AP1M2: variants seen among roughly 807,000 people sequenced by gnomAD.
The protein encoded by AP1M2 is adaptor related protein complex 1 subunit mu 2, also known as AP-1 complex subunit mu-2.
In AP1M2, 41 loss-of-function variants were observed where a neutral mutation model predicts 54.6. The ratio of observed to expected loss-of-function variants is 0.75; its 90% confidence interval spans 0.59 to 0.97. The LOEUF (loss-of-function observed/expected upper bound fraction) is 0.97, where lower values mean the gene tolerates loss of function less well. AP1M2 is among the 50% of genes least tolerant of loss of function. AP1M2 has a pLI of 0.00. For missense variants in AP1M2, 507 were observed against 561.2 expected (o/e 0.90, Z 0.98); for synonymous variants, 219 against 215.9 (o/e 1.01, Z -0.13).
chr19:10,578,159 T>C (rs1437543582), intron 8 of AP1M2, among the ~76,000 whole-genome samples: 2 of 152,204 alleles, frequency 1.3e-5, no homozygotes, highest in African/African-American at 4.8e-5. Context: ...GCTGTGTATC[T>C]GCAGGCAAAT....
In AP1M2 at chr19:10,577,213, A is replaced by G; in HGVS notation, c.1032T>C (p.Ser344=). The G allele has an allele frequency of 6.2e-7, 1 of 1,612,092 alleles. No homozygotes were observed. The part of the protein sequence containing the change: ...YVPERNVVIW[S]IKSFPGGKEY... ...TGGTACTTACCGGGAAAGACTTAATACTCCAAATCACGACGTTTCTCTCCG... is the reference window on the plus strand; with the variant it reads ...TGGTACTTACCGGGAAAGACTTAATGCTCCAAATCACGACGTTTCTCTCCG... The change falls in exon 9 of 12, where the codon AGT becomes AGC. Residue 344 remains serine, a synonymous_variant. Transcript: ENST00000250244.
At chr19:10,574,642 C>T in intron 10 of AP1M2, 150 bp from the exon 11 acceptor site, 1 of 789,622 alleles carries the variant, frequency 1.3e-6, no homozygotes, top group Non-Finnish European at 2.0e-6. Context: ...TGAGGTGGCA[C>T]AGGCAACGGA....
At chr19:10,573,531 C>T (rs1917125552) in intron 11 of AP1M2, among the ~76,000 whole-genome samples, 1 of 152,054 alleles carries the variant, frequency 6.6e-6, no homozygotes, top group Non-Finnish European at 1.5e-5. Context: ...TGGGGCTAAA[C>T]ACAGGTACTG....
intron 9 of AP1M2, 35 bp downstream of exon 9, chr19:10,577,163 C>T: frequency 6.3e-7 from 1 of 1,581,382 alleles, no homozygotes; most frequent in Non-Finnish European, 8.6e-7. Context: ...CAGTCCCCTC[C>T]ACCCCCAGAT....
chr19:10,579,597 AC>A (rs1917367348), intron 7 of AP1M2, 118 bp downstream of exon 7: 1 of 1,206,406 alleles, frequency 8.3e-7, no homozygotes, highest in Non-Finnish European at 1.1e-6. Flanking sequence ...CAAGTGATCC[AC>A]CCGACTCAGC....
At chr19:10,583,120 C>T (rs182545509) in intron 3 of AP1M2, among the ~76,000 whole-genome samples, 2 of 146,030 alleles carry the variant, frequency 1.4e-5, no homozygotes, top group Admixed American at 1.5e-4. Context: ...GCCACTGTGC[C>T]TGGCCTTTTT....
At chr19:10,574,767 T>G in intron 10 of AP1M2, 137 bp downstream of exon 10, 1 of 1,231,504 alleles carries the variant, frequency 8.1e-7, no homozygotes, top group Non-Finnish European at 1.1e-6. Flanking sequence ...AAGGTAACAT[T>G]GCTCTGGGAA....
Position 10,577,300 on chromosome 19 carries a change from A to C in AP1M2, c.945T>G (p.Pro315=), listed in dbSNP as rs770382934. ...TGGGGGAGTCGGCATCGCTGGGTAC[A>C]GGCACAGATATCTCCACACCGTTGG... ...SVANGVEISV[P]VPSDADSPRF... The change falls in exon 9 of 12, where the codon CCT becomes CCG. Residue 315 remains proline (P), a synonymous_variant. Coordinates refer to ENST00000250244, the MANE Select transcript of AP1M2 (RefSeq NM_005498.5). 1 of 1,611,870 alleles carries C rather than the reference A, an allele frequency of 6.2e-7. No individual in the cohort carries two copies. Among genetic ancestry groups the C allele is most frequent in the East Asian group, 2.2e-5 (1 of 44,862 alleles).
chr19:10,582,661 T>C (rs1330728918), intron 3 of AP1M2, among the ~76,000 whole-genome samples: 1 of 149,682 alleles, frequency 6.7e-6, no homozygotes, highest in Non-Finnish European at 1.5e-5. Context: ...AGCAGGAGAA[T>C]CACTTGAACC....
Position 10,577,365 on chromosome 19 carries a change from G to A in AP1M2, c.889-9C>T. 1 of 1,603,158 alleles carries A rather than the reference G, an allele frequency of 6.2e-7. No homozygotes were observed. Among genetic ancestry groups the A allele is most frequent in the Non-Finnish European group, 8.5e-7 (1 of 1,174,412 alleles). On this transcript the variant is annotated splice_polypyrimidine_tract_variant and intron_variant, in intron 8 of 11. Transcript: ENST00000250244. ...TTAAACTGCCCCTTGGCCTGTCAGGGGAGCGAGCATGGGGCACGAAGAATT... is the reference window on the plus strand; with the variant it reads ...TTAAACTGCCCCTTGGCCTGTCAGGAGAGCGAGCATGGGGCACGAAGAATT...
intron 3 of AP1M2, 153 bp downstream of exon 3, chr19:10,583,453 A>G: frequency 3.5e-6 from 2 of 571,260 alleles, no homozygotes; most frequent in Non-Finnish European, 6.2e-6. Flanking sequence ...TGGGCAATAT[A>G]GCAAGACCCC....
rs761350214 is a variant in AP1M2 at position 10,581,764 on chromosome 19, T to C, written c.382A>G (p.Ser128Gly). The C allele has an allele frequency of 2.0e-5, 32 of 1,613,662 alleles. No homozygotes were observed. The highest frequency in any genetic ancestry group is 2.5e-5 in the Non-Finnish European group (30 of 1,179,970). ...TCCACTCACTCCTGCAGGATCTTGC[T>C]GTCGGTGGTCTGCGGGAAGCCAAAG... ...MDFGFPQTTDSKILQEYITQQ... is the reference protein window; with the variant it reads ...MDFGFPQTTDGKILQEYITQQ... Residue 128 changes from serine to glycine, a missense_variant, in exon 4 of 12, where the codon AGC becomes GGC. Transcript: ENST00000250244.
At chr19:10,576,624 T>C (rs1440185381) in intron 9 of AP1M2, among the ~76,000 whole-genome samples, 1 of 151,666 alleles carries the variant, frequency 6.6e-6, no homozygotes, top group African/African-American at 2.4e-5. Context: ...GTCTTGAACT[T>C]CTGACCTCAG....
intron 5 of AP1M2, 34 bp downstream of exon 5, chr19:10,581,453 G>A (rs2304160): frequency 0.23 from 372,574 of 1,610,628 alleles, 52,727 homozygotes; most frequent in East Asian, 0.66. Flanking sequence ...CAGCCAGGCC[G>A]TGGAAGGGGT....
At chr19:10,578,142 G>T (rs1438599192) in intron 8 of AP1M2, among the ~76,000 whole-genome samples, 6 of 152,178 alleles carry the variant, frequency 3.9e-5, no homozygotes, top group African/African-American at 1.2e-4. Context: ...AGTTCTAACA[G>T]TTGTTGGCTG....
At chr19:10,574,357 C>T (rs938804311) in intron 11 of AP1M2, 60 bp downstream of exon 11, 3 of 1,343,676 alleles carry the variant, frequency 2.2e-6, no homozygotes, top group East Asian at 5.1e-5. Flanking sequence ...GTGAAAGCCT[C>T]GAGTCCCTAC....
At position 10,572,959 on chromosome 19, in the gene AP1M2, G is replaced by C. The variant is rs561489626; in HGVS notation, c.*107C>G. 6 of 1,217,376 alleles carry C rather than the reference G, an allele frequency of 4.9e-6. No homozygotes were observed. The Admixed American group carries it at 1.2e-4, about 24-fold the overall frequency. The allele number at this position is 1,217,376 out of a possible 1,614,324, so 75.4% of individuals were successfully genotyped here. ...GGGAGCAAGAAACTGCCAAGTCCAG[G>C]ACCTGCCCTCACACAGACACACACA... On this transcript the variant is annotated 3_prime_UTR_variant, in exon 12 of 12. Transcript: ENST00000250244.
At chr19:10,574,266 C>T (rs547382778) in intron 11 of AP1M2, 151 bp downstream of exon 11, 105 of 592,130 alleles carry the variant, frequency 1.8e-4, no homozygotes, top group Middle Eastern at 1.4e-3. Flanking sequence ...GAGATCCACC[C>T]GCCTTGGCCT....
rs758135920 is a variant in AP1M2, at chr19:10,581,475, G to A, written c.546+12C>T. ...GCCGTGGAAGGGGTGCCGGGGAGGTGTGCAGGCTCACCAGCAGGTTGACAG... is the reference window on the plus strand; with the variant it reads ...GCCGTGGAAGGGGTGCCGGGGAGGTATGCAGGCTCACCAGCAGGTTGACAG... On this transcript the variant is annotated intron_variant, in intron 5 of 11. Transcript: ENST00000250244. 2.5e-6 allele frequency: 4 copies of A among 1,613,598 alleles called. No individual in the cohort carries two copies. The highest frequency in any genetic ancestry group is 2.2e-5 in the South Asian group (2 of 91,062).
Sources: gnomAD v4.1 joint callset for allele counts (sites outside exome capture counted in the v4.1 genomes callset) on GRCh38, gnomAD v4.1.1 for gene constraint, MANE v1.5 for transcripts, NCBI Gene and HGNC (gene_info 2026-07-23, HGNC 2026-07-21) for gene names.